The following NAXD variants were observed in gnomAD, a reference collection of about 807,000 sequenced individuals.
NAXD encodes the protein NAD(P)HX dehydratase.
In NAXD, 22 loss-of-function variants were observed where a neutral mutation model predicts 35.8. That is an observed-to-expected ratio of 0.62 (90% CI 0.44 to 0.88). The LOEUF (loss-of-function observed/expected upper bound fraction) is 0.88, where lower values mean the gene tolerates loss of function less well. NAXD is among the 40% of genes least tolerant of loss of function. The pLI, the probability that NAXD is intolerant of heterozygous loss-of-function variation, is 0.00. For missense variants in NAXD, 428 were observed against 437.7 expected (o/e 0.98, Z 0.20); for synonymous variants, 189 against 177.6 (o/e 1.06, Z -0.51).
chr13:110,634,041 C>T (rs908680042), intron 5 of NAXD, among the ~76,000 whole-genome samples: 1 of 152,218 alleles, frequency 6.6e-6, no homozygotes, highest in African/African-American at 2.4e-5. Flanking sequence ...TTCCAGTGGG[C>T]TTCGCCTTTC....
At chr13:110,632,267 C>T (rs1221938515) in intron 5 of NAXD, among the ~76,000 whole-genome samples, 2 of 151,922 alleles carry the variant, frequency 1.3e-5, no homozygotes, top group Non-Finnish European at 2.9e-5. Flanking sequence ...CTCGTGGTCT[C>T]GCTGGCTTCA....
At chr13:110,633,557 G>A (rs1051718494) in intron 5 of NAXD, among the ~76,000 whole-genome samples, 3 of 152,234 alleles carry the variant, frequency 2.0e-5, no homozygotes, top group Admixed American at 6.5e-5. Flanking sequence ...GAGAGCAAGC[G>A]AGGGCTCTGA....
intron 1 of NAXD, among the ~76,000 whole-genome samples, chr13:110,618,609 T>C (rs1886145684): frequency 6.6e-6 from 1 of 152,238 alleles, no homozygotes; most frequent in Admixed American, 6.5e-5. Context: ...CTTAACCTGC[T>C]GTAGAAAAAT....
chr13:110,624,721 C>T lies in NAXD; in HGVS notation c.243+442C>T, dbSNP rs147141137. 2.0e-3 allele frequency among the ~76,000 whole-genome samples: 312 copies of T among 152,364 alleles called. 1 individual carries two copies. The highest frequency in any genetic ancestry group is 6.6e-3 in the African/African-American group (274 of 41,576). On this transcript the variant is annotated intron_variant, in intron 3 of 9. Coordinates refer to ENST00000680254, the MANE Select transcript of NAXD (RefSeq NM_001242882.2). ...ACGTGATCCATGCGCCTCGGCCTCC[C>T]GAAGTGCTGGGATTACAGGCGTGAG...
chr13:110,620,558 G>T (rs920084181), intron 1 of NAXD, among the ~76,000 whole-genome samples: 1 of 142,284 alleles, frequency 7.0e-6, no homozygotes, highest in African/African-American at 2.7e-5. Flanking sequence ...CCAGCCTGGC[G>T]ACAGAGTGAG....
chr13:110,624,500 C>T (rs979470962), intron 3 of NAXD, among the ~76,000 whole-genome samples: 9 of 152,116 alleles, frequency 5.9e-5, no homozygotes, highest in Non-Finnish European at 5.9e-5. Flanking sequence ...CTCTTTTTGC[C>T]CAGGCTGGAG....
chr13:110,621,785 T>G (rs1886274565), intron 1 of NAXD, among the ~76,000 whole-genome samples: 1 of 152,122 alleles, frequency 6.6e-6, no homozygotes, highest in South Asian at 2.1e-4. Flanking sequence ...ATCCCAGCAC[T>G]TTGAGAGGCT....
chr13:110,635,716 G>C (rs1309019013), intron 8 of NAXD, 128 bp downstream of exon 8: 1 of 1,083,862 alleles, frequency 9.2e-7, no homozygotes, highest in Non-Finnish European at 1.3e-6. Context: ...AGGGATTCCT[G>C]ATGAGCTCGT....
chr13:110,632,246 C>T (rs576151392), intron 5 of NAXD, among the ~76,000 whole-genome samples: 161 of 151,938 alleles, frequency 1.1e-3, no homozygotes, highest in African/African-American at 3.5e-3. Flanking sequence ...TTGTTCGTTC[C>T]TCCCGGTGGG....
chr13:110,636,808 G>A lies in NAXD; in HGVS notation c.719-321G>A, dbSNP rs909506464. Among the ~76,000 whole-genome samples the A allele has an allele frequency of 2.0e-5, 3 of 152,330 alleles. No homozygotes were observed. The East Asian group carries it at 5.8e-4, about 29-fold the overall frequency. On this transcript the variant is annotated intron_variant, in intron 8 of 9. Transcript: ENST00000680254. ...GTGGGAGGAGCTGGAGGCTGGCGCC[G>A]CCCTGCTCAGAGCTGCCTGCTTGGG...
chr13:110,635,539 G>T lies in NAXD; in HGVS notation c.669G>T (p.Val223=), dbSNP rs1340086971. ...GACTCAGCCAAGCCCTGGGCAACGT[G>T]ACGGTGGTCCAGAAAGGAGAGCGCG... The part of the protein sequence containing the change: ...VLRLSQALGN[V]TVVQKGERDI... The change falls in exon 8 of 10, where the codon GTG becomes GTT. Residue 223 remains valine (V), a synonymous_variant. Coordinates refer to ENST00000680254, the MANE Select transcript of NAXD (RefSeq NM_001242882.2). The T allele has an allele frequency of 6.2e-7, 1 of 1,614,176 alleles. No homozygotes were observed. Among genetic ancestry groups the T allele is most frequent in the East Asian group, 2.2e-5 (1 of 44,884 alleles).
In NAXD at chr13:110,634,605, C is replaced by A. The variant is rs1359690353; in HGVS notation, c.492+10C>A. 1.2e-6 allele frequency: 2 copies of A among 1,614,226 alleles called. No homozygotes were observed. Among genetic ancestry groups the A allele is most frequent in the Admixed American group, 3.3e-5 (2 of 60,034 alleles). On this transcript the variant is annotated intron_variant, in intron 6 of 9. Transcript: ENST00000680254. The stretch of plus-strand genomic sequence containing the variant: ...TGTTGTCATCGACGCGGTGAGTTGA[C>A]TTCTCTCCTCCTGGCTCGGACTCCC...
chr13:110,633,087 C>T (rs895607739), intron 5 of NAXD, among the ~76,000 whole-genome samples: 3 of 152,116 alleles, frequency 2.0e-5, no homozygotes, highest in African/African-American at 7.2e-5. Context: ...GGGGGTGGTG[C>T]TCGTCGGGGA....
chr13:110,627,683 G>C (rs1005605646), intron 5 of NAXD, 136 bp downstream of exon 5: 3 of 647,716 alleles, frequency 4.6e-6, no homozygotes, highest in Non-Finnish European at 8.3e-6. Context: ...AGATTTGAGG[G>C]ACGGAGGAGA....
At chr13:110,618,392 G>A (rs886456160) in intron 1 of NAXD, among the ~76,000 whole-genome samples, 1 of 152,152 alleles carries the variant, frequency 6.6e-6, no homozygotes, top group Non-Finnish European at 1.5e-5. Flanking sequence ...GGCGACTCCC[G>A]CTGGTGGGTT....
At chr13:110,637,684 G>A (rs1478616468) in intron 9 of NAXD, 1 of 448,326 alleles carries the variant, frequency 2.2e-6, no homozygotes, top group African/African-American at 2.0e-5. Context: ...GCCCAGTTCT[G>A]TAGTCAGAGA....
At chr13:110,637,888 T>C (rs963289478) in intron 9 of NAXD, 5 of 486,412 alleles carry the variant, frequency 1.0e-5, no homozygotes, top group Admixed American at 9.3e-5. Flanking sequence ...CCAAACTAGG[T>C]GTGTCCACAT....
At chr13:110,619,297 A>T (rs1016834481) in intron 1 of NAXD, among the ~76,000 whole-genome samples, 5 of 152,168 alleles carry the variant, frequency 3.3e-5, no homozygotes, top group Non-Finnish European at 7.3e-5. Context: ...TGTTTGTAAG[A>T]TATGAATCTT....
chr13:110,620,450 T>G (rs748574608), intron 1 of NAXD, among the ~76,000 whole-genome samples: 2 of 151,362 alleles, frequency 1.3e-5, no homozygotes, highest in Non-Finnish European at 2.9e-5. Flanking sequence ...CGTGGTGGCA[T>G]GCGCCTGTAG....
Sources: allele counts gnomAD v4.1 joint callset (sites outside exome capture counted in the v4.1 genomes callset), GRCh38; gene constraint gnomAD v4.1.1; transcripts MANE v1.5; gene names NCBI Gene and HGNC (gene_info 2026-07-23, HGNC 2026-07-21).